Variants in COL28A1 observed in about 807,000 individuals in gnomAD.
COL28A1 encodes collagen type XXVIII alpha 1 chain, also known as collagen alpha-1(XXVIII) chain.
In COL28A1, 161 loss-of-function variants were observed where a neutral mutation model predicts 150.2. The ratio of observed to expected loss-of-function variants is 1.07; its 90% CI spans 0.94 to 1.22. The LOEUF is 1.22. Ranked by LOEUF, COL28A1 falls within the 50% of genes most tolerant of loss-of-function variation. COL28A1 has a pLI of 0.00. For missense variants in COL28A1, 1,617 were observed against 1,388.3 expected (o/e 1.16, Z -2.62); for synonymous variants, 552 against 469.7 (o/e 1.18, Z -2.26).
chr7:7,486,383 G>A (rs1219561178), intron 13 of COL28A1, among the ~76,000 whole-genome samples: 1 of 152,062 alleles, frequency 6.6e-6, no homozygotes, highest in African/African-American at 2.4e-5. Context: ...CATATCATCT[G>A]CAAATAAGGA....
intron 15 of COL28A1, among the ~76,000 whole-genome samples, chr7:7,471,036 C>T (rs1183410217): frequency 7.1e-6 from 1 of 140,108 alleles, no homozygotes; most frequent in Non-Finnish European, 1.5e-5. Flanking sequence ...GGGTGCAGCG[C>T]ACCAGCATGG....
rs191540720 is a variant in COL28A1 at position 7,449,536 on chromosome 7, A to T, written c.1509+2783T>A. 1.5e-3 allele frequency among the ~76,000 whole-genome samples: 199 copies of T among 129,288 alleles called. 1 individual carries two copies. The highest frequency in any genetic ancestry group is 7.9e-3 in the African/African-American group (179 of 22,760). 84.8% of individuals were successfully genotyped at this position (129,288 alleles called of 152,430 possible). On this transcript the variant is annotated intron_variant, in intron 18 of 34. Transcript: ENST00000399429. The stretch of plus-strand genomic sequence containing the variant: ...AGTGATCCTAGCAGTACAAAATGAT[A>T]AAAAAAAAATCAAAGAAGAGCTAAA...
At chr7:7,472,642 T>C (rs1788534072) in intron 15 of COL28A1, among the ~76,000 whole-genome samples, 1 of 152,148 alleles carries the variant, frequency 6.6e-6, no homozygotes, top group South Asian at 2.1e-4. Context: ...CAGAATACCA[T>C]CATCATTCTT....
chr7:7,504,234 C>T (rs752817797), intron 11 of COL28A1, among the ~76,000 whole-genome samples: 30 of 152,098 alleles, frequency 2.0e-4, no homozygotes, highest in Non-Finnish European at 3.1e-4. Context: ...TGGTGGCTCA[C>T]ACTTGTAGTC....
chr7:7,417,676 G>T (rs767885640), intron 27 of COL28A1, 183 bp downstream of exon 27: 7 of 618,252 alleles, frequency 1.1e-5, no homozygotes, highest in Admixed American at 3.2e-5. Context: ...AGCATTTGCT[G>T]AAGTATTGTA....
chr7:7,370,509 C>T (rs774371438), intron 33 of COL28A1, among the ~76,000 whole-genome samples: 2 of 152,044 alleles, frequency 1.3e-5, no homozygotes, highest in Non-Finnish European at 2.9e-5. Context: ...TTAATAAATA[C>T]TTATAAAATA....
intron 27 of COL28A1, among the ~76,000 whole-genome samples, chr7:7,405,062 A>C (rs544414786): frequency 7.0e-4 from 107 of 152,250 alleles, no homozygotes; most frequent in Middle Eastern, 3.4e-3. Context: ...TTCAATAATC[A>C]TTTATTGAAT....
chr7:7,343,164 T>TTATA, the COL28A1 span, among the ~76,000 whole-genome samples: 1 of 150,984 alleles, frequency 6.6e-6, no homozygotes, highest in African/African-American at 2.4e-5. Context: ...TAGTTTCATA[T>TTATA]TATATATATA....
chr7:7,535,002 G>T lies in COL28A1; in HGVS notation c.-38+748C>A, dbSNP rs17522279. Among the ~76,000 whole-genome samples the T allele has an allele frequency of 3.6e-3, 551 of 152,134 alleles. 3 individuals carry two copies. The highest frequency in any genetic ancestry group is 6.1e-3 in the Non-Finnish European group (413 of 67,972). On this transcript the variant is annotated intron_variant, in intron 1 of 34. Transcript: ENST00000399429. ...CGTTTATTAATTTGGCATCTTGAGA[G>T]CCCACTCATTTCTAATCACTTTTTA...
At chr7:7,414,994 T>C (rs1783987053) in intron 27 of COL28A1, among the ~76,000 whole-genome samples, 1 of 152,236 alleles carries the variant, frequency 6.6e-6, no homozygotes, top group African/African-American at 2.4e-5. Context: ...ACTTGGCTTA[T>C]TTGCCTGACA....
chr7:7,381,460 C>A, intron 28 of COL28A1, 84 bp downstream of exon 28: 1 of 915,568 alleles, frequency 1.1e-6, no homozygotes, highest in South Asian at 1.4e-5. Flanking sequence ...AAGAGTGACA[C>A]ATATATGAGA....
At chr7:7,494,934 C>T (rs867940125) in intron 11 of COL28A1, among the ~76,000 whole-genome samples, 4 of 152,048 alleles carry the variant, frequency 2.6e-5, no homozygotes, top group African/African-American at 9.7e-5. Context: ...ACAAAAGTTA[C>T]AGAAGAAGAA....
chr7:7,382,389 C>T (rs943414035), intron 27 of COL28A1, among the ~76,000 whole-genome samples: 1 of 151,930 alleles, frequency 6.6e-6, no homozygotes, highest in Non-Finnish European at 1.5e-5. Flanking sequence ...CAATTAATGC[C>T]AAGTTATTGT....
intron 13 of COL28A1, among the ~76,000 whole-genome samples, chr7:7,482,603 G>A (rs1417562600): frequency 1.3e-5 from 2 of 151,508 alleles, no homozygotes; most frequent in African/African-American, 2.4e-5. Flanking sequence ...ACATTATTTA[G>A]GAACTTTCCT....
chr7:7,461,826 G>C (rs547663768), intron 15 of COL28A1, among the ~76,000 whole-genome samples: 3 of 152,110 alleles, frequency 2.0e-5, no homozygotes, highest in Non-Finnish European at 4.4e-5. Flanking sequence ...TGAAGACAAA[G>C]GGCATATACT....
rs575316864 is a variant in COL28A1, at chr7:7,453,604, T to C, written c.1372-96A>G. 7.0e-5 allele frequency: 50 copies of C among 711,200 alleles called. No homozygotes were observed. The African/African-American group carries it at 7.8e-4, about 11-fold the overall frequency. 44.1% of individuals were successfully genotyped at this position (711,200 alleles called of 1,614,324 possible). On this transcript the variant is annotated intron_variant, in intron 16 of 34. Coordinates refer to ENST00000399429, the MANE Select transcript of COL28A1 (RefSeq NM_001037763.3). The stretch of plus-strand genomic sequence containing the variant: ...TAGTTCATACCCCATAATAAGTTAC[T>C]TACACTCAATAAGCATTTGTGGAGT...
At chr7:7,492,281 T>G (rs1273354197) in intron 11 of COL28A1, among the ~76,000 whole-genome samples, 1 of 152,032 alleles carries the variant, frequency 6.6e-6, no homozygotes, top group East Asian at 1.9e-4. Context: ...TGCTTTACTA[T>G]AAGAAGTCTG....
the COL28A1 span, among the ~76,000 whole-genome samples, chr7:7,342,943 T>C: frequency 1.3e-5 from 2 of 152,054 alleles, no homozygotes; most frequent in Admixed American, 6.6e-5. Context: ...TTGACCTCAC[T>C]CTTTTTCATC....
intron 31 of COL28A1, among the ~76,000 whole-genome samples, chr7:7,374,038 A>AAAAAAAAAAATATATATATATATAT: frequency 8.8e-6 from 1 of 113,658 alleles, no homozygotes; most frequent in African/African-American, 3.8e-5. Flanking sequence ...AAAAAAAAAA[A>AAAAAAAAAAATATATATATATATAT]ATATATATAT....
Sources: allele counts gnomAD v4.1 joint callset (sites outside exome capture counted in the v4.1 genomes callset), GRCh38; gene constraint gnomAD v4.1.1; transcripts MANE v1.5; gene names NCBI Gene and HGNC (gene_info 2026-07-23, HGNC 2026-07-21).